The following GFRA1 variants were observed in gnomAD, a reference collection of about 807,000 sequenced individuals.
The protein encoded by GFRA1 is GDNF family receptor alpha-1.
A neutral mutation model predicts 51.6 loss-of-function variants in GFRA1; 16 were observed. The ratio of observed to expected loss-of-function variants is 0.31; its 90% confidence interval spans 0.21 to 0.47. The LOEUF (loss-of-function observed/expected upper bound fraction) is 0.47, where lower values mean the gene tolerates loss of function less well. GFRA1 is among the 20% of genes least tolerant of loss of function. GFRA1 has a pLI of 1.00. For missense variants in GFRA1, 530 were observed against 594.3 expected (o/e 0.89, Z 1.13); for synonymous variants, 270 against 241.3 (o/e 1.12, Z -1.10).
chr10:116,083,204 T>C (rs947425021), intron 9 of GFRA1, among the ~76,000 whole-genome samples: 3 of 152,226 alleles, frequency 2.0e-5, no homozygotes. Context: ...GCGGAAGAAC[T>C]GCTCTCAGGG....
At chr10:116,142,619 T>A (rs1419280762) in intron 5 of GFRA1, among the ~76,000 whole-genome samples, 1 of 152,260 alleles carries the variant, frequency 6.6e-6, no homozygotes, top group Admixed American at 6.5e-5. Flanking sequence ...TCTAATGGAC[T>A]TTGCGTGTAC....
At chr10:116,151,022 C>T (rs1043616461) in intron 5 of GFRA1, among the ~76,000 whole-genome samples, 11 of 149,876 alleles carry the variant, frequency 7.3e-5, no homozygotes, top group African/African-American at 1.7e-4. Flanking sequence ...TTTTTCTAAA[C>T]GGGAAAAAGG....
At chr10:116,067,073 A>C (rs1955148003) in intron 9 of GFRA1, among the ~76,000 whole-genome samples, 1 of 152,244 alleles carries the variant, frequency 6.6e-6, no homozygotes, top group African/African-American at 2.4e-5. Flanking sequence ...ATCAAGAATA[A>C]GACACTGTGA....
chr10:116,099,160 C>T lies in GFRA1; in HGVS notation c.771-2396G>A, dbSNP rs1332579873. On this transcript the variant is annotated intron_variant, in intron 6 of 10. Coordinates refer to ENST00000355422, the MANE Select transcript of GFRA1 (RefSeq NM_005264.8). Reference sequence around the variant, plus strand: ...ACTGAAGTAAGAAGTTTATACAGCGCTATGCTGGGGCCAGCTCATCACTGG... The same window carrying T: ...ACTGAAGTAAGAAGTTTATACAGCGTTATGCTGGGGCCAGCTCATCACTGG... Among the ~76,000 whole-genome samples, 3 of 152,200 alleles carry T rather than the reference C, an allele frequency of 2.0e-5. No individual in the cohort carries two copies. The East Asian group carries it at 5.8e-4, about 29-fold the overall frequency.
chr10:116,095,565 T>C (rs980695849), intron 7 of GFRA1, among the ~76,000 whole-genome samples: 1 of 152,118 alleles, frequency 6.6e-6, no homozygotes, highest in African/African-American at 2.4e-5. Flanking sequence ...TAGAAAATAC[T>C]TGGGGATCTG....
chr10:116,262,677 T>C (rs1287295620), intron 4 of GFRA1, among the ~76,000 whole-genome samples: 3 of 152,180 alleles, frequency 2.0e-5, no homozygotes, highest in Non-Finnish European at 4.4e-5. Context: ...CCTATTGTTC[T>C]ACAACAAAAA....
intron 5 of GFRA1, among the ~76,000 whole-genome samples, chr10:116,169,244 C>T (rs2134218650): frequency 6.6e-6 from 1 of 152,328 alleles, no homozygotes; most frequent in South Asian, 2.1e-4. Flanking sequence ...TCACTTTTTG[C>T]CTTCCAAAGG....
intron 4 of GFRA1, among the ~76,000 whole-genome samples, chr10:116,225,871 G>A (rs1390864203): frequency 3.3e-5 from 5 of 152,160 alleles, no homozygotes; most frequent in Admixed American, 2.6e-4. Flanking sequence ...TTACAGGCGT[G>A]AGTCACTGTA....
chr10:116,179,862 A>G (rs1962039900), intron 5 of GFRA1, among the ~76,000 whole-genome samples: 1 of 152,184 alleles, frequency 6.6e-6, no homozygotes, highest in Non-Finnish European at 1.5e-5. Context: ...TTGTGCCTAC[A>G]GAAAGACAAG....
At chr10:116,079,113 G>C (rs1398757864) in intron 9 of GFRA1, among the ~76,000 whole-genome samples, 1 of 151,994 alleles carries the variant, frequency 6.6e-6, no homozygotes, top group Non-Finnish European at 1.5e-5. Context: ...GTGATGGTGT[G>C]AGGATGAGAC....
rs1211325065 is a variant in GFRA1 at position 116,063,900 on chromosome 10, G to C, written c.*498C>G. 5.8e-6 allele frequency: 1 copy of C among 171,822 alleles called. No homozygotes were observed. The highest frequency in any genetic ancestry group is 1.3e-5 in the Non-Finnish European group (1 of 79,846). The allele number at this position is 171,822 out of a possible 1,614,324, so 10.6% of individuals were successfully genotyped here. On this transcript the variant is annotated 3_prime_UTR_variant, in exon 11 of 11. Transcript: ENST00000355422. ...CCCACTCTTGGTAAGAATCTTCTTT[G>C]TGGCAAAAAAGCTTGGCATCAATGT...
At chr10:116,270,586 C>CG (rs1444848010) in intron 3 of GFRA1, among the ~76,000 whole-genome samples, 2 of 152,156 alleles carry the variant, frequency 1.3e-5, no homozygotes, top group Non-Finnish European at 2.9e-5. Context: ...AGCGGGGTCC[C>CG]GGGGGTGGCC....
intron 6 of GFRA1, among the ~76,000 whole-genome samples, chr10:116,122,793 A>G (rs1957700717): frequency 6.6e-6 from 1 of 152,186 alleles, no homozygotes; most frequent in Non-Finnish European, 1.5e-5. Flanking sequence ...CCATCGTTCA[A>G]TAGATGGAAG....
At chr10:116,107,715 G>A (rs1957057562) in intron 6 of GFRA1, among the ~76,000 whole-genome samples, 1 of 152,186 alleles carries the variant, frequency 6.6e-6, no homozygotes, top group South Asian at 2.1e-4. Flanking sequence ...TCAGAAGGAA[G>A]TGTTGAGGTA....
rs200146032 is a variant in GFRA1, at chr10:116,089,756, C to T, written c.1182G>A (p.Pro394=). The T allele has an allele frequency of 1.9e-5, 30 of 1,614,046 alleles. No homozygotes were observed. The highest frequency in any genetic ancestry group is 1.7e-4 in the African/African-American group (13 of 75,036). The change falls in exon 9 of 11, where the codon CCG becomes CCA. Residue 394 remains proline, a synonymous_variant. Transcript: ENST00000355422. ...CAGTTCTCACCTGTAAATTTGCACA[C>T]GGTGGCAAAACATGAGTGGGAATTT... is the stretch of plus-strand genomic sequence containing the variant. ...ENEIPTHVLP[P]CANLQAQKLK...
At chr10:116,102,148 A>G (rs1258966213) in intron 6 of GFRA1, among the ~76,000 whole-genome samples, 1 of 152,230 alleles carries the variant, frequency 6.6e-6, no homozygotes, top group Admixed American at 6.5e-5. Flanking sequence ...CACAGATGGC[A>G]TTCACAGGAA....
chr10:116,123,189 G>T (rs1202041431), intron 6 of GFRA1, among the ~76,000 whole-genome samples: 2 of 152,206 alleles, frequency 1.3e-5, no homozygotes, highest in Admixed American at 1.3e-4. Context: ...GCTTGCTGAG[G>T]CTCTGCCTCT....
intron 5 of GFRA1, among the ~76,000 whole-genome samples, chr10:116,133,860 G>C (rs983041590): frequency 6.6e-6 from 1 of 152,214 alleles, no homozygotes; most frequent in Non-Finnish European, 1.5e-5. Context: ...TATGTCATGG[G>C]AGAAGCTTTC....
chr10:116,092,096 TAC>T (rs58442181), intron 8 of GFRA1, among the ~76,000 whole-genome samples: 7,575 of 138,106 alleles, frequency 0.055, 531 homozygotes, highest in African/African-American at 0.16. Flanking sequence ...CATACATACG[TAC>T]ACACACACAC....
Sources: allele counts gnomAD v4.1 joint callset (sites outside exome capture counted in the v4.1 genomes callset), GRCh38; gene constraint gnomAD v4.1.1; transcripts MANE v1.5; gene names NCBI Gene and HGNC (gene_info 2026-07-23, HGNC 2026-07-21).